MYO3B: variants seen among roughly 807,000 people sequenced by gnomAD.
MYO3B encodes myosin IIIB.
A neutral mutation model predicts 174.6 loss-of-function variants in MYO3B; 156 were observed. The ratio of observed to expected loss-of-function variants is 0.89; its 90% CI spans 0.78 to 1.02. The LOEUF is 1.02. MYO3B is among the 50% of genes least tolerant of loss of function. The pLI is 0.00. For synonymous variants in MYO3B, 563 were observed against 569.1 expected (o/e 0.99, Z 0.15); for missense variants, 1,632 against 1,639.4 (o/e 1.00, Z 0.08).
intron 30 of MYO3B, among the ~76,000 whole-genome samples, chr2:170,535,512 G>C (rs970205896): frequency 1.6e-4 from 24 of 152,180 alleles, no homozygotes; most frequent in Non-Finnish European, 3.2e-4. Context: ...CATTCATTAA[G>C]ATCCTTAATA....
chr2:170,337,327 T>G (rs2093952492), intron 8 of MYO3B, among the ~76,000 whole-genome samples: 1 of 152,098 alleles, frequency 6.6e-6, no homozygotes, highest in Non-Finnish European at 1.5e-5. Flanking sequence ...TCCTTTTCAT[T>G]TCATTGCCAC....
chr2:170,590,882 A>C (rs1411316132), intron 32 of MYO3B, among the ~76,000 whole-genome samples: 2 of 152,122 alleles, frequency 1.3e-5, no homozygotes, highest in African/African-American at 4.8e-5. Context: ...GTTTGGCCGC[A>C]ATACTCTACA....
At chr2:170,601,881 C>A in intron 32 of MYO3B, 1 of 853,694 alleles carries the variant, frequency 1.2e-6, no homozygotes, top group Non-Finnish European at 1.9e-6. Context: ...GGCCAGGATG[C>A]TCTCCTTTGA....
intron 8 of MYO3B, among the ~76,000 whole-genome samples, chr2:170,360,262 G>T (rs1179170858): frequency 6.6e-6 from 1 of 152,100 alleles, no homozygotes; most frequent in African/African-American, 2.4e-5. Flanking sequence ...ATCATGGGAA[G>T]AAATACAATT....
At chr2:170,373,828 T>TAA (rs34605437) in intron 9 of MYO3B, among the ~76,000 whole-genome samples, 10 of 145,620 alleles carry the variant, frequency 6.9e-5, no homozygotes, top group African/African-American at 2.0e-4. Context: ...GAATGGCCTT[T>TAA]AAAAAAAAAA....
At position 170,214,400 on chromosome 2, in the gene MYO3B, A is replaced by T. The variant is rs776450840; in HGVS notation, c.343A>T (p.Thr115Ser). ...GCAGCTGTGTAATGGGGGCTCAGTC[A>T]CTGAGCTTGTCAAAGGTCTACTCAG... ...VLELCNGGSV[T>S]ELVKGLLRCG... Residue 115 changes from threonine (T) to serine (S), a missense_variant, in exon 4 of 35, where the codon ACT becomes TCT. Coordinates refer to ENST00000408978, the MANE Select transcript of MYO3B (RefSeq NM_138995.5). The T allele has an allele frequency of 1.2e-6, 2 of 1,614,044 alleles. No individual in the cohort carries two copies. Among genetic ancestry groups the T allele is most frequent in the Admixed American group, 1.7e-5 (1 of 60,024 alleles).
chr2:170,178,843 G>A (rs1267153259), intron 1 of MYO3B, among the ~76,000 whole-genome samples: 1 of 152,174 alleles, frequency 6.6e-6, no homozygotes, highest in Non-Finnish European at 1.5e-5. Context: ...TGTAAGAGCT[G>A]TGGGTATGTA....
At chr2:170,238,786 T>C (rs2093099908) in intron 7 of MYO3B, among the ~76,000 whole-genome samples, 1 of 151,914 alleles carries the variant, frequency 6.6e-6, no homozygotes. Context: ...TCCCTGGGTA[T>C]TGTCAGGAAA....
At chr2:170,366,764 A>G (rs746543381) in intron 8 of MYO3B, among the ~76,000 whole-genome samples, 1 of 152,144 alleles carries the variant, frequency 6.6e-6, no homozygotes, top group Non-Finnish European at 1.5e-5. Flanking sequence ...GACCCTCTCT[A>G]ACATATCAAA....
chr2:170,442,714 CATT>C (rs2094810652), intron 22 of MYO3B, among the ~76,000 whole-genome samples: 1 of 152,098 alleles, frequency 6.6e-6, no homozygotes, highest in Non-Finnish European at 1.5e-5. Context: ...CAAGTGTTCT[CATT>C]GTTGAATTCC....
intron 12 of MYO3B, 143 bp from the exon 13 acceptor site, chr2:170,386,046 G>A: frequency 1.7e-6 from 1 of 601,968 alleles, no homozygotes; most frequent in East Asian, 2.9e-5. Flanking sequence ...GTTGAAGAAG[G>A]TCTCTATGTA....
At chr2:170,381,983 C>G in intron 9 of MYO3B, 33 bp from the exon 10 acceptor site, 1 of 1,573,026 alleles carries the variant, frequency 6.4e-7, no homozygotes, top group East Asian at 2.2e-5. Flanking sequence ...TATTTGCTGT[C>G]TTAATGCTTA....
intron 9 of MYO3B, among the ~76,000 whole-genome samples, chr2:170,370,295 A>G (rs2094231094): frequency 1.3e-5 from 2 of 152,146 alleles, no homozygotes; most frequent in African/African-American, 2.4e-5. Flanking sequence ...TTCTGCAGAA[A>G]ACTGTTTACT....
chr2:170,361,546 C>T (rs1243736716), intron 8 of MYO3B, among the ~76,000 whole-genome samples: 1 of 152,160 alleles, frequency 6.6e-6, no homozygotes, highest in Non-Finnish European at 1.5e-5. Flanking sequence ...TTGTCAAATG[C>T]CGTAGGACAG....
chr2:170,281,721 G>A (rs1348719290), intron 7 of MYO3B, among the ~76,000 whole-genome samples: 1 of 152,076 alleles, frequency 6.6e-6, no homozygotes, highest in Non-Finnish European at 1.5e-5. Flanking sequence ...AAAGCTAGCA[G>A]AAGCTGAACT....
intron 29 of MYO3B, among the ~76,000 whole-genome samples, chr2:170,516,424 G>A (rs1575104129): frequency 6.6e-6 from 1 of 151,792 alleles, no homozygotes; most frequent in Non-Finnish European, 1.5e-5. Flanking sequence ...GGCAGATCAC[G>A]AGGTCAGGAG....
chr2:170,312,678 G>A (rs567544224), intron 7 of MYO3B, among the ~76,000 whole-genome samples: 7 of 152,326 alleles, frequency 4.6e-5, no homozygotes, highest in African/African-American at 1.4e-4. Flanking sequence ...TAAGGATAAG[G>A]GACACTTTTC....
At chr2:170,237,673 T>C (rs879852473) in intron 7 of MYO3B, among the ~76,000 whole-genome samples, 2 of 152,196 alleles carry the variant, frequency 1.3e-5, no homozygotes, top group Non-Finnish European at 2.9e-5. Flanking sequence ...GGGAGAAGCC[T>C]CCAGATCTCC....
chr2:170,300,675 A>T (rs898679719), intron 7 of MYO3B, among the ~76,000 whole-genome samples: 1 of 152,222 alleles, frequency 6.6e-6, no homozygotes, highest in Admixed American at 6.5e-5. Context: ...AAACAACAAC[A>T]GTATCCAACT....
Sources: allele counts gnomAD v4.1 joint callset (sites outside exome capture counted in the v4.1 genomes callset), GRCh38; gene constraint gnomAD v4.1.1; transcripts MANE v1.5; gene names NCBI Gene and HGNC (gene_info 2026-07-23, HGNC 2026-07-21).